The following CTDSPL2 variants were observed in gnomAD, a reference collection of about 807,000 sequenced individuals.
CTDSPL2 encodes CTD small phosphatase like 2, also known as CTD small phosphatase-like protein 2.
A neutral mutation model predicts 60.0 loss-of-function variants in CTDSPL2; 5 were observed. The observed-to-expected ratio is 0.08, with a 90% confidence interval of 0.04 to 0.18. CTDSPL2 has a LOEUF of 0.18. Ranked by LOEUF, CTDSPL2 falls within the 10% of genes least tolerant of loss-of-function variation. The pLI, the probability that CTDSPL2 is intolerant of heterozygous loss-of-function variation, is 1.00. For missense variants in CTDSPL2, 370 were observed against 548.8 expected (o/e 0.67, Z 3.26); for synonymous variants, 186 against 189.3 (o/e 0.98, Z 0.14).
At chr15:44,430,423 T>G (rs977002461) in intron 1 of CTDSPL2, among the ~76,000 whole-genome samples, 3 of 151,940 alleles carry the variant, frequency 2.0e-5, no homozygotes, top group Non-Finnish European at 4.4e-5. Flanking sequence ...TTTTTTTAGT[T>G]TTTTGTAGAG....
At chr15:44,450,881 A>G (rs1028527878) in intron 1 of CTDSPL2, among the ~76,000 whole-genome samples, 1 of 152,146 alleles carries the variant, frequency 6.6e-6, no homozygotes, top group Admixed American at 6.6e-5. Context: ...TACAGGCGTG[A>G]GCCACTGCAT....
intron 8 of CTDSPL2, among the ~76,000 whole-genome samples, chr15:44,507,979 G>A (rs911371945): frequency 6.6e-6 from 1 of 152,068 alleles, no homozygotes; most frequent in Admixed American, 6.5e-5. Flanking sequence ...GGAAACTGAG[G>A]TATACAGAAG....
chr15:44,472,030 T>G (rs1298882395), intron 2 of CTDSPL2, among the ~76,000 whole-genome samples: 1 of 152,154 alleles, frequency 6.6e-6, no homozygotes, highest in East Asian at 1.9e-4. Context: ...ATTATATCAC[T>G]ATTTCCTTTT....
chr15:44,517,271 G>T (rs887881961), intron 10 of CTDSPL2: 3 of 150,902 alleles, frequency 2.0e-5, no homozygotes, highest in Non-Finnish European at 4.4e-5. Context: ...AGCACTTTGG[G>T]AGGCCAAGGC....
chr15:44,491,927 G>T (rs2081221078), intron 5 of CTDSPL2, among the ~76,000 whole-genome samples: 1 of 152,150 alleles, frequency 6.6e-6, no homozygotes, highest in Middle Eastern at 3.4e-3. Flanking sequence ...GCAGTGGCAT[G>T]ATCTTGGCTC....
intron 2 of CTDSPL2, among the ~76,000 whole-genome samples, chr15:44,478,122 T>G (rs1015800635): frequency 6.6e-6 from 1 of 151,986 alleles, no homozygotes; most frequent in East Asian, 1.9e-4. Context: ...CATCATTGTC[T>G]GAAGCTCATT....
chr15:44,432,290 A>G (rs983700440), intron 1 of CTDSPL2, among the ~76,000 whole-genome samples: 1 of 134,994 alleles, frequency 7.4e-6, no homozygotes, highest in Non-Finnish European at 1.6e-5. Flanking sequence ...TGTGATATCC[A>G]TATGTTCCTA....
chr15:44,498,824 G>T (rs926497031), intron 7 of CTDSPL2, among the ~76,000 whole-genome samples: 2 of 151,668 alleles, frequency 1.3e-5, no homozygotes, highest in Middle Eastern at 3.2e-3. Context: ...ACTTGATCCC[G>T]GGAAGTGGAG....
At chr15:44,452,505 T>G (rs2080352596) in intron 1 of CTDSPL2, among the ~76,000 whole-genome samples, 1 of 152,144 alleles carries the variant, frequency 6.6e-6, no homozygotes, top group Non-Finnish European at 1.5e-5. Context: ...GTCAGGAATA[T>G]TTTTGTAAAA....
chr15:44,461,616 T>C (rs2140706732), intron 2 of CTDSPL2, among the ~76,000 whole-genome samples: 1 of 149,964 alleles, frequency 6.7e-6, no homozygotes, highest in Admixed American at 6.6e-5. Flanking sequence ...GAGGTCTCAT[T>C]TATATCGCCC....
Position 44,514,588 on chromosome 15 carries a change from A to T in CTDSPL2, c.970-10A>T, listed in dbSNP as rs1191205074. ...TTTATTTGCTGAAACTTATCTTTGT[A>T]TTTCCTTAGGTTTATGTGAGATTAA... On this transcript the variant is annotated splice_polypyrimidine_tract_variant and intron_variant, in intron 8 of 12. Transcript: ENST00000260327. The T allele has an allele frequency of 1.3e-6, 2 of 1,557,144 alleles. No homozygotes were observed. The highest frequency in any genetic ancestry group is 1.8e-6 in the Non-Finnish European group (2 of 1,129,116).
intron 1 of CTDSPL2, among the ~76,000 whole-genome samples, chr15:44,446,008 C>T (rs1415159521): frequency 2.0e-5 from 3 of 147,208 alleles, no homozygotes; most frequent in Non-Finnish European, 3.0e-5. Flanking sequence ...TCACTGCAGC[C>T]TCCACCTCCC....
chr15:44,472,537 GA>G (rs2080831827), intron 2 of CTDSPL2, among the ~76,000 whole-genome samples: 1 of 151,386 alleles, frequency 6.6e-6, no homozygotes, highest in African/African-American at 2.4e-5. Context: ...TGAATTGTAA[GA>G]GGTGGTTTTT....
In CTDSPL2 at chr15:44,449,988, C is replaced by CAA. The variant is rs35999965; in HGVS notation, c.-24-8990_-24-8989dup. On this transcript the variant is annotated intron_variant, in intron 1 of 12. Transcript: ENST00000260327. ...CCTGGGTGACAGAGCGAGTCTGTCT[C>CAA]AAAAAAAAAAAAAATTAATATTTTT... 5.7e-3 allele frequency among the ~76,000 whole-genome samples: 823 copies of CAA among 143,604 alleles called. 5 individuals are homozygous for CAA. Among genetic ancestry groups the CAA allele is most frequent in the East Asian group, 0.018 (86 of 4,852 alleles). 94.2% of individuals were successfully genotyped at this position (143,604 alleles called of 152,430 possible).
intron 1 of CTDSPL2, among the ~76,000 whole-genome samples, chr15:44,431,872 G>A (rs967889810): frequency 1.3e-5 from 2 of 151,038 alleles, no homozygotes; most frequent in African/African-American, 4.9e-5. Flanking sequence ...CGCCCACCAC[G>A]ACGGCCGGCT....
chr15:44,477,561 G>T (rs1290940189), intron 2 of CTDSPL2, among the ~76,000 whole-genome samples: 2 of 150,972 alleles, frequency 1.3e-5, no homozygotes. Flanking sequence ...TACTTGCCAG[G>T]CACGGTGGCT....
At chr15:44,494,487 C>G (rs2081264892) in intron 5 of CTDSPL2, among the ~76,000 whole-genome samples, 2 of 151,930 alleles carry the variant, frequency 1.3e-5, no homozygotes, top group African/African-American at 4.8e-5. Flanking sequence ...GGTGGTACAT[C>G]TGTAGTCCCA....
At chr15:44,450,921 A>G (rs551998536) in intron 1 of CTDSPL2, among the ~76,000 whole-genome samples, 2 of 152,068 alleles carry the variant, frequency 1.3e-5, no homozygotes, top group South Asian at 4.1e-4. Context: ...TTTTAAAACA[A>G]CATTGGTAAA....
chr15:44,434,414 GAC>G (rs957417977), intron 1 of CTDSPL2, among the ~76,000 whole-genome samples: 21 of 152,206 alleles, frequency 1.4e-4, no homozygotes, highest in African/African-American at 4.8e-4. Context: ...AAAAAAAGAA[GAC>G]AGAGTCTTAC....
Sources: gnomAD v4.1 joint callset for allele counts (sites outside exome capture counted in the v4.1 genomes callset) on GRCh38, gnomAD v4.1.1 for gene constraint, MANE v1.5 for transcripts, NCBI Gene and HGNC (gene_info 2026-07-23, HGNC 2026-07-21) for gene names.